BPIFC: variants seen among roughly 807,000 people sequenced by gnomAD.
BPIFC encodes BPI fold containing family C, also known as BPI fold-containing family C protein.
A neutral mutation model predicts 57.6 loss-of-function variants in BPIFC; 60 were observed. The observed-to-expected ratio is 1.04, with a 90% CI of 0.85 to 1.29. The LOEUF (loss-of-function observed/expected upper bound fraction) is 1.29. BPIFC is among the 50% of genes most tolerant of loss of function. The probability of loss-of-function intolerance (pLI) is 0.00; values close to 1 mark genes in which losing one functional copy is unlikely to be tolerated. For synonymous variants in BPIFC, 243 were observed against 224.5 expected (o/e 1.08, Z -0.74); for missense variants, 581 against 600.5 (o/e 0.97, Z 0.34).
chr22:32,437,581 G>A (rs187642564), intron 9 of BPIFC, among the ~76,000 whole-genome samples, 179 bp downstream of exon 9: 1 of 152,218 alleles, frequency 6.6e-6, no homozygotes, highest in East Asian at 1.9e-4. Context: ...AGTAGAGACG[G>A]GGTTTCACCA....
chr22:32,459,659 T>C (rs932172894), intron 2 of BPIFC, among the ~76,000 whole-genome samples: 1 of 151,390 alleles, frequency 6.6e-6, no homozygotes, highest in Non-Finnish European at 1.5e-5. Context: ...TGAGACTCCA[T>C]TTCCAAAAAT....
intron 13 of BPIFC, among the ~76,000 whole-genome samples, chr22:32,420,934 T>G (rs1933830733): frequency 6.6e-6 from 1 of 152,226 alleles, no homozygotes; most frequent in Admixed American, 6.5e-5. Context: ...TGCTTAGAAC[T>G]GTGCCTAGCA....
At chr22:32,460,841 G>T (rs779785795) in intron 2 of BPIFC, among the ~76,000 whole-genome samples, 1 of 152,234 alleles carries the variant, frequency 6.6e-6, no homozygotes, top group African/African-American at 2.4e-5. Flanking sequence ...TGAAGGCAGA[G>T]ACTGCAACTG....
chr22:32,438,382 G>A (rs1238724996), intron 8 of BPIFC, among the ~76,000 whole-genome samples: 1 of 152,140 alleles, frequency 6.6e-6, no homozygotes, highest in Non-Finnish European at 1.5e-5. Context: ...TGCATGTATA[G>A]TTTTGTTTTT....
chr22:32,456,282 G>A (rs1226629612), intron 3 of BPIFC, among the ~76,000 whole-genome samples: 1 of 151,966 alleles, frequency 6.6e-6, no homozygotes, highest in Non-Finnish European at 1.5e-5. Context: ...ACACACCATT[G>A]TCCACATAAC....
At chr22:32,463,635 G>T (rs1251188605) in intron 1 of BPIFC, among the ~76,000 whole-genome samples, 1 of 152,136 alleles carries the variant, frequency 6.6e-6, no homozygotes, top group Non-Finnish European at 1.5e-5. Context: ...CAGAGGCGCA[G>T]GTTGAAAAAT....
chr22:32,450,978 C>G (rs775857893), intron 4 of BPIFC, among the ~76,000 whole-genome samples: 1 of 152,174 alleles, frequency 6.6e-6, no homozygotes, highest in Non-Finnish European at 1.5e-5. Flanking sequence ...AGTAGTCAAA[C>G]TGAGCATCAG....
At chr22:32,429,436 G>C (rs1178348033) in intron 13 of BPIFC, among the ~76,000 whole-genome samples, 1 of 149,852 alleles carries the variant, frequency 6.7e-6, no homozygotes, top group Non-Finnish European at 1.5e-5. Flanking sequence ...TCGATCTCCT[G>C]ACCTCATGAT....
Position 32,435,623 on chromosome 22 carries a change from G to T in BPIFC, c.924+81C>A, listed in dbSNP as rs183944797. On this transcript the variant is annotated intron_variant, in intron 10 of 16. Coordinates refer to ENST00000300399, the MANE Select transcript of BPIFC (RefSeq NM_174932.3). The stretch of plus-strand genomic sequence containing the variant: ...AAAAAGGTCCCAGAATCGAAATTGT[G>T]GCATAAAAGTTCTACAATAGGATAC... The T allele has an allele frequency of 3.5e-6, 5 of 1,425,924 alleles. No individual in the cohort carries two copies. The African/African-American group carries it at 5.7e-5, about 16-fold the overall frequency. The allele number at this position is 1,425,924 out of a possible 1,614,324, so 88.3% of individuals were successfully genotyped here.
intron 2 of BPIFC, among the ~76,000 whole-genome samples, chr22:32,458,101 TACTC>T (rs1935083455): frequency 6.6e-6 from 1 of 152,170 alleles, no homozygotes; most frequent in African/African-American, 2.4e-5. Context: ...TTCCCCTTCT[TACTC>T]AGTGTAAACG....
rs559989663 is a variant in BPIFC at position 32,443,435 on chromosome 22, T to C, written c.595-704A>G. The stretch of plus-strand genomic sequence containing the variant: ...GCCTCGGCCTCCCAAAGTGCTGGGA[T>C]TACAGGCGTGAGCCACCGCGCCCGG... On this transcript the variant is annotated intron_variant, in intron 7 of 16. Coordinates refer to ENST00000300399, the MANE Select transcript of BPIFC (RefSeq NM_174932.3). Among the ~76,000 whole-genome samples, 15 of 152,288 alleles carry C rather than the reference T, an allele frequency of 9.8e-5. No homozygotes were observed. In the East Asian group the frequency reaches 2.3e-3, roughly 24 times the overall value.
rs1223346653 is a variant in BPIFC at position 32,424,600 on chromosome 22, T to TCTTCTTCTTCTTCTTCTTCTTCTC, written c.1218-5197_1218-5196insGAGAAGAAGAAGAAGAAGAAGAAG. On this transcript the variant is annotated intron_variant, in intron 13 of 16. Coordinates refer to ENST00000300399, the MANE Select transcript of BPIFC (RefSeq NM_174932.3). ...TTCTTCTTCTTCTTCTTCTTCTTCT[T>TCTTCTTCTTCTTCTTCTTCTTCTC]CTCCTCCTCCTCCTCCTCCTCCTCC... Among the ~76,000 whole-genome samples, 71 of 78,602 alleles carry TCTTCTTCTTCTTCTTCTTCTTCTC rather than the reference T, an allele frequency of 9.0e-4. 8 individuals are homozygous for TCTTCTTCTTCTTCTTCTTCTTCTC. The highest frequency in any genetic ancestry group is 6.5e-3 in the East Asian group (16 of 2,448). The allele number at this position is 78,602 out of a possible 152,430, so 51.6% of individuals were successfully genotyped here.
intron 8 of BPIFC, among the ~76,000 whole-genome samples, chr22:32,439,707 C>T (rs4821061): frequency 0.27 from 41,246 of 151,906 alleles, 6,455 homozygotes; most frequent in South Asian, 0.4. Context: ...CTCTGTCTCT[C>T]GGGTTCAAGT....
At chr22:32,429,525 T>G (rs908632434) in intron 13 of BPIFC, among the ~76,000 whole-genome samples, 6 of 142,110 alleles carry the variant, frequency 4.2e-5, no homozygotes, top group African/African-American at 1.0e-4. Context: ...TTTTTTTTTT[T>G]TTTTTTTTTT....
chr22:32,446,715 TGGCCTGTAA>T, intron 5 of BPIFC: 1 of 982,026 alleles, frequency 1.0e-6, no homozygotes, highest in South Asian at 4.7e-5. Context: ...ACATTGCAAC[TGGCCTGTAA>T]AAGTACCTTG....
At chr22:32,415,051 T>C (rs1292370570) in intron 16 of BPIFC, among the ~76,000 whole-genome samples, 1 of 152,208 alleles carries the variant, frequency 6.6e-6, no homozygotes, top group East Asian at 1.9e-4. Flanking sequence ...CTGACTGGGA[T>C]TGGGGGATGG....
At chr22:32,433,096 G>A (rs992632416) in intron 11 of BPIFC, among the ~76,000 whole-genome samples, 2 of 152,186 alleles carry the variant, frequency 1.3e-5, no homozygotes, top group Admixed American at 1.3e-4. Flanking sequence ...CCAGCTACTT[G>A]GGAGGCTGAG....
chr22:32,436,395 G>A (rs185299045), intron 9 of BPIFC, among the ~76,000 whole-genome samples: 35 of 67,670 alleles, frequency 5.2e-4, no homozygotes, highest in East Asian at 1.4e-3. Flanking sequence ...GGAGGAGGAA[G>A]AGGAGGAGGA....
chr22:32,461,348 G>A (rs892462037), intron 2 of BPIFC, among the ~76,000 whole-genome samples: 3 of 152,214 alleles, frequency 2.0e-5, no homozygotes, highest in African/African-American at 7.2e-5. Flanking sequence ...GATGACTTGA[G>A]GGTGGTCAGG....
Sources: allele counts gnomAD v4.1 joint callset (sites outside exome capture counted in the v4.1 genomes callset), GRCh38; gene constraint gnomAD v4.1.1; transcripts MANE v1.5; gene names NCBI Gene and HGNC (gene_info 2026-07-23, HGNC 2026-07-21).